Variants in TVP23A observed in about 807,000 individuals in gnomAD.
TVP23A encodes Golgi apparatus membrane protein TVP23 homolog A.
In TVP23A, 21 loss-of-function variants were observed where a neutral mutation model predicts 31.7. The ratio of observed to expected loss-of-function variants is 0.66; its 90% CI spans 0.47 to 0.95. The LOEUF is 0.95. Ranked by LOEUF, TVP23A falls within the 40% of genes least tolerant of loss-of-function variation. The pLI is 0.00. For synonymous variants in TVP23A, 104 were observed against 96.0 expected, an observed-to-expected ratio of 1.08 and a Z score of -0.49; for missense variants, 279 against 255.6, an observed-to-expected ratio of 1.09 and a Z score of -0.62.
chr16:10,774,921 G>A (rs930194238), intron 3 of TVP23A, 31 bp downstream of exon 3: 2 of 1,598,478 alleles, frequency 1.3e-6, no homozygotes, highest in African/African-American at 2.7e-5. Context: ...TCGTGTTTCG[G>A]AAGTGATGAC....
downstream of TVP23A, among the ~76,000 whole-genome samples, chr16:10,763,276 G>A (rs925265285): frequency 6.6e-6 from 1 of 152,056 alleles, no homozygotes. Context: ...GACATGGACA[G>A]GATTGCCAAG....
chr16:10,805,695 C>T (rs544105746), intron 2 of TVP23A, among the ~76,000 whole-genome samples: 2 of 151,584 alleles, frequency 1.3e-5, no homozygotes, highest in African/African-American at 2.4e-5. Context: ...TCTCAAGTTA[C>T]TTTGTTTTGA....
intron 2 of TVP23A, among the ~76,000 whole-genome samples, chr16:10,793,268 T>C (rs778786791): frequency 6.6e-6 from 1 of 152,050 alleles, no homozygotes; most frequent in Non-Finnish European, 1.5e-5. Context: ...ACAGCAAGAC[T>C]CTGTCTCAAA....
At chr16:10,802,119 CACAT>C (rs1262648217) in intron 2 of TVP23A, among the ~76,000 whole-genome samples, 7 of 151,850 alleles carry the variant, frequency 4.6e-5, no homozygotes, top group Non-Finnish European at 8.8e-5. Context: ...CACACACACA[CACAT>C]ACACACACAC....
chr16:10,806,289 G>A (rs901680401), intron 2 of TVP23A, among the ~76,000 whole-genome samples: 1 of 152,186 alleles, frequency 6.6e-6, no homozygotes, highest in Non-Finnish European at 1.5e-5. Context: ...GTTGCAGTGA[G>A]CCAAGGTTGT....
chr16:10,757,917 G>A (rs1452865595), downstream of TVP23A: 10 of 1,614,068 alleles, frequency 6.2e-6, no homozygotes, highest in Admixed American at 6.7e-5. This position sits in a 1 kb window ranked among gnomAD's most constrained non-coding sequence, Gnocchi z 4.1. Context: ...GGGAGAGGTC[G>A]ACTACCTCAT....
chr16:10,768,110 A>T lies in TVP23A; in HGVS notation c.*992T>A. The T allele has an allele frequency of 2.2e-6, 3 of 1,394,912 alleles. No homozygotes were observed. Among genetic ancestry groups the T allele is most frequent in the Non-Finnish European group, 3.0e-6 (3 of 989,240 alleles). 86.4% of individuals were successfully genotyped at this position (1,394,912 alleles called of 1,614,324 possible). A position where few individuals can be genotyped will look rare whatever the true frequency, so the allele number is the denominator to read the frequency against. On this transcript the variant is annotated 3_prime_UTR_variant, in exon 8 of 8. Coordinates refer to ENST00000299866, the MANE Select transcript of TVP23A (RefSeq NM_001079512.4). The surrounding 1 kb of genome is among the most constrained non-coding windows in gnomAD (Gnocchi z 4.3). The stretch of plus-strand genomic sequence containing the variant: ...ATAAAGGAGCCAGGGGTGTGGAAGG[A>T]CAGGTGGGTGGTGGGGTCTGTGATG...
chr16:10,762,404 T>A (rs1448883663), downstream of TVP23A, among the ~76,000 whole-genome samples: 1 of 152,168 alleles, frequency 6.6e-6, no homozygotes, highest in African/African-American at 2.4e-5. Context: ...AGATGCCCAC[T>A]CCCTGAGTGG....
chr16:10,760,954 A>C (rs1046815587), downstream of TVP23A: 1 of 197,042 alleles, frequency 5.1e-6, no homozygotes, highest in African/African-American at 2.3e-5. Flanking sequence ...ACAGTTCTGC[A>C]TGGCTGGGAA....
chr16:10,808,527 T>C (rs1008210482), intron 2 of TVP23A: 2 of 455,138 alleles, frequency 4.4e-6, no homozygotes, highest in African/African-American at 4.0e-5. Context: ...CTGGGTGCAG[T>C]GGCTCATACC....
intron 2 of TVP23A, among the ~76,000 whole-genome samples, chr16:10,786,809 T>C (rs985754864): frequency 6.6e-6 from 1 of 152,002 alleles, no homozygotes; most frequent in Non-Finnish European, 1.5e-5. Context: ...AATTTGAATT[T>C]AAAAGTAGAA....
chr16:10,778,019 A>T (rs2032173375), intron 2 of TVP23A, among the ~76,000 whole-genome samples: 1 of 150,830 alleles, frequency 6.6e-6, no homozygotes, highest in African/African-American at 2.5e-5. Flanking sequence ...CAAAAAAAAT[A>T]AAAATAAAAA....
rs557673453 is a variant in TVP23A at position 10,768,870 on chromosome 16, TAGTGTG to T, written c.*226_*231del. The T allele has an allele frequency of 3.1e-5, 18 of 572,318 alleles. No individual in the cohort carries two copies. The highest frequency in any genetic ancestry group is 5.3e-5 in the Non-Finnish European group (17 of 319,548). The allele number at this position is 572,318 out of a possible 1,614,324, so 35.5% of individuals were successfully genotyped here. A position where few individuals can be genotyped will look rare whatever the true frequency, so the allele number is the denominator to read the frequency against. ...AGCCACTGGTTATGAGCAAGATGGG[TAGTGTG>T]AGGTATTCCGGTCACTTTCAAAGAC... On this transcript the variant is annotated 3_prime_UTR_variant, in exon 8 of 8. Transcript: ENST00000299866. This position sits in a 1 kb window ranked among gnomAD's most constrained non-coding sequence, Gnocchi z 4.3.
chr16:10,807,542 T>G (rs7192807), intron 2 of TVP23A, among the ~76,000 whole-genome samples: 19,645 of 152,066 alleles, frequency 0.13, 3,691 homozygotes, highest in African/African-American at 0.41. Context: ...CATTGTCACA[T>G]CTGAGGGGTT....
chr16:10,772,200 T>A (rs1330439749), intron 5 of TVP23A, among the ~76,000 whole-genome samples: 1 of 152,070 alleles, frequency 6.6e-6, no homozygotes, highest in African/African-American at 2.4e-5. Flanking sequence ...ACTGGAGAGG[T>A]TGCCACCATC....
intron 3 of TVP23A, 94 bp from the exon 4 acceptor site, chr16:10,774,222 C>T: frequency 2.2e-6 from 2 of 910,056 alleles, no homozygotes; most frequent in Middle Eastern, 2.2e-4. Context: ...TCATTTCAGA[C>T]TTGTACTGGG....
In TVP23A at chr16:10,777,465, G is replaced by A. The variant is rs889906594; in HGVS notation, c.90-2369C>T. On this transcript the variant is annotated intron_variant, in intron 2 of 7. Coordinates refer to ENST00000299866, the MANE Select transcript of TVP23A (RefSeq NM_001079512.4). This position sits in a 1 kb window ranked among gnomAD's most constrained non-coding sequence, Gnocchi z 4.5. Reference sequence around the variant, plus strand: ...ACAGAGATCCACACAGAACTGCAGGGGAAAGCGCCTGCTCATTCTCCCCAA... The same window carrying A: ...ACAGAGATCCACACAGAACTGCAGGAGAAAGCGCCTGCTCATTCTCCCCAA... Among the ~76,000 whole-genome samples the A allele has an allele frequency of 4.6e-5, 7 of 152,094 alleles. No individual in the cohort carries two copies. The highest frequency in any genetic ancestry group is 1.7e-4 in the African/African-American group (7 of 41,410).
At chr16:10,769,415 C>G (rs2031368953) in intron 7 of TVP23A, 2 of 312,596 alleles carry the variant, frequency 6.4e-6, no homozygotes, top group African/African-American at 4.3e-5. Flanking sequence ...TCTGCTGTGT[C>G]GGAAGCTTAG....
chr16:10,801,367 C>T (rs1334459953), intron 2 of TVP23A, among the ~76,000 whole-genome samples: 2 of 152,126 alleles, frequency 1.3e-5, no homozygotes, highest in Admixed American at 6.5e-5. Flanking sequence ...AAAATTGCTG[C>T]CCTTTTACTC....
Sources: gnomAD v4.1 joint callset for allele counts (sites outside exome capture counted in the v4.1 genomes callset) on GRCh38, gnomAD v4.1.1 for gene constraint, Gnocchi (gnomAD v3.1) non-coding constraint, MANE v1.5 for transcripts, NCBI Gene and HGNC (gene_info 2026-07-23, HGNC 2026-07-21) for gene names.